ZFAT: variants seen among roughly 807,000 people sequenced by gnomAD.
ZFAT encodes zinc finger protein ZFAT.
A neutral mutation model predicts 117.7 loss-of-function variants in ZFAT; 64 were observed. The ratio of observed to expected loss-of-function variants is 0.54; its 90% CI spans 0.44 to 0.67. The LOEUF is 0.67. Among genes scored for constraint, ZFAT ranks in the 30% least tolerant of loss-of-function variants. The pLI is 0.00. For missense variants in ZFAT, 1,433 were observed against 1,584.5 expected (o/e 0.90, Z 1.62); for synonymous variants, 679 against 615.0 (o/e 1.10, Z -1.54).
the ZFAT span, among the ~76,000 whole-genome samples, chr8:134,774,938 G>A: frequency 2.6e-5 from 4 of 152,126 alleles, no homozygotes; most frequent in African/African-American, 7.2e-5. Flanking sequence ...CCAAGATGGT[G>A]AAACCCCATC....
At chr8:134,766,346 A>T in the ZFAT span, 1 of 152,322 alleles carries the variant, frequency 6.6e-6, no homozygotes, top group East Asian at 1.9e-4. Context: ...GTAGGCCAAC[A>T]TTTTTTTAAA....
At chr8:134,792,965 A>T in the ZFAT span, 1 of 152,166 alleles carries the variant, frequency 6.6e-6, no homozygotes, top group South Asian at 2.1e-4. Context: ...GGGAAGTGAA[A>T]AATTGATCCA....
At chr8:134,830,182 A>G in the ZFAT span, among the ~76,000 whole-genome samples, 1 of 152,186 alleles carries the variant, frequency 6.6e-6, no homozygotes, top group Non-Finnish European at 1.5e-5. Context: ...TGAAAAAGAG[A>G]GAAGAGAGAA....
the ZFAT span, among the ~76,000 whole-genome samples, chr8:134,813,681 G>C: frequency 6.6e-6 from 1 of 152,082 alleles, no homozygotes; most frequent in Non-Finnish European, 1.5e-5. Context: ...GCCTCCCAAA[G>C]TGCTGGGATT....
chr8:134,602,202 T>C lies in ZFAT; in HGVS notation c.1517A>G (p.Asp506Gly), dbSNP rs1827539580. The part of the protein sequence containing the change: ...QSFCLLEPGG[D>G]IQQEALGDQL... ...GTCCCCCAGAGCTTCTTGCTGGATGTCCCCACCAGGTTCCAGGAGGCAGAA... is the reference window on the plus strand; with the variant it reads ...GTCCCCCAGAGCTTCTTGCTGGATGCCCCCACCAGGTTCCAGGAGGCAGAA... The change falls in exon 6 of 16, where the codon GAC (aspartate) becomes GGC (glycine). Residue 506 changes from aspartate (D) to glycine (G), a missense_variant. Transcript: ENST00000377838. The C allele has an allele frequency of 6.2e-7, 1 of 1,613,426 alleles. No individual in the cohort carries two copies. Among genetic ancestry groups the C allele is most frequent in the Non-Finnish European group, 8.5e-7 (1 of 1,180,010 alleles).
At chr8:134,693,233 A>C (rs140461807) in intron 1 of ZFAT, among the ~76,000 whole-genome samples, 89 of 152,320 alleles carry the variant, frequency 5.8e-4, no homozygotes, top group African/African-American at 2.0e-3. Flanking sequence ...CAGAGCTGGA[A>C]CAGGGAAAGC....
intron 1 of ZFAT, chr8:134,674,799 C>G: frequency 6.6e-6 from 2 of 303,872 alleles, no homozygotes; most frequent in South Asian, 5.3e-5. Flanking sequence ...GAGGCAGGAA[C>G]AGGCAGCAAT....
chr8:134,581,395 C>T (rs184909223), intron 10 of ZFAT, among the ~76,000 whole-genome samples: 168 of 152,286 alleles, frequency 1.1e-3, no homozygotes, highest in African/African-American at 3.6e-3. Context: ...CCCTTTTGCT[C>T]TACTTTACCC....
chr8:134,766,012 C>T, the ZFAT span: 1 of 152,222 alleles, frequency 6.6e-6, no homozygotes, highest in East Asian at 1.9e-4. Flanking sequence ...GAGGCCTTGA[C>T]CCTGTCTCTA....
intron 13 of ZFAT, among the ~76,000 whole-genome samples, chr8:134,520,361 C>G (rs1044223552): frequency 6.6e-6 from 1 of 152,088 alleles, no homozygotes; most frequent in Non-Finnish European, 1.5e-5. Context: ...GGTGGCAATA[C>G]CTAGTATCTG....
chr8:134,509,987 C>T (rs764386103), intron 14 of ZFAT: 44 of 534,880 alleles, frequency 8.2e-5, no homozygotes, highest in East Asian at 2.3e-4. Context: ...GACATTGAGA[C>T]GTTATTTGCA....
the ZFAT span, among the ~76,000 whole-genome samples, chr8:134,769,924 G>A: frequency 6.6e-6 from 1 of 152,250 alleles, no homozygotes; most frequent in Non-Finnish European, 1.5e-5. Flanking sequence ...TGAGCTCTAT[G>A]TTGACCCCTT....
the ZFAT span, among the ~76,000 whole-genome samples, chr8:134,761,431 G>A: frequency 3.3e-5 from 5 of 151,926 alleles, no homozygotes; most frequent in African/African-American, 1.2e-4. Flanking sequence ...GCCAGGCATG[G>A]TGGCTCACAC....
intron 1 of ZFAT, among the ~76,000 whole-genome samples, chr8:134,677,666 A>G (rs1231450982): frequency 6.6e-6 from 1 of 152,222 alleles, no homozygotes; most frequent in Admixed American, 6.5e-5. Flanking sequence ...AATTTAGGCC[A>G]ATATCCTGAT....
intron 1 of ZFAT, among the ~76,000 whole-genome samples, chr8:134,684,095 G>A (rs920991499): frequency 6.6e-6 from 1 of 151,952 alleles, no homozygotes; most frequent in African/African-American, 2.4e-5. Flanking sequence ...CAAGGAAACT[G>A]GTCTGAAAAA....
chr8:134,704,682 G>C (rs1352774223), intron 1 of ZFAT, among the ~76,000 whole-genome samples: 1 of 152,156 alleles, frequency 6.6e-6, no homozygotes, highest in Non-Finnish European at 1.5e-5. Flanking sequence ...CAATGGAACA[G>C]ACCAGACAGT....
intron 12 of ZFAT, among the ~76,000 whole-genome samples, chr8:134,528,888 A>G (rs1379432094): frequency 6.6e-6 from 1 of 152,250 alleles, no homozygotes. Context: ...AGTGCCTAGC[A>G]TGGTTCCAGG....
chr8:134,596,448 A>G (rs1311570571), intron 7 of ZFAT, among the ~76,000 whole-genome samples: 1 of 152,232 alleles, frequency 6.6e-6, no homozygotes, highest in African/African-American at 2.4e-5. Flanking sequence ...TGGGTGGTGA[A>G]TAAAATAATT....
chr8:134,602,233 G>C lies in ZFAT; in HGVS notation c.1486C>G (p.Gln496Glu), dbSNP rs753678729. Reference protein sequence around the residue: ...EALVFTSSINQSFCLLEPGGD... With the variant: ...EALVFTSSINESFCLLEPGGD... ...CCAGGTTCCAGGAGGCAGAAGCTCT[G>C]GTTGATGGAACTGGTGAAGACCAAG... The change falls in exon 6 of 16, where the codon CAG (glutamine) becomes GAG (glutamate). Residue 496 changes from glutamine (Q) to glutamate (E), a missense_variant. Coordinates refer to ENST00000377838, the MANE Select transcript of ZFAT (RefSeq NM_020863.4). 6.2e-7 allele frequency: 1 copy of C among 1,613,738 alleles called. No individual in the cohort carries two copies. The highest frequency in any genetic ancestry group is 8.5e-7 in the Non-Finnish European group (1 of 1,180,032).
Sources: allele counts gnomAD v4.1 joint callset (sites outside exome capture counted in the v4.1 genomes callset), GRCh38; gene constraint gnomAD v4.1.1; transcripts MANE v1.5; gene names NCBI Gene and HGNC (gene_info 2026-07-23, HGNC 2026-07-21).